RAD51AP1: variants seen among roughly 807,000 people sequenced by gnomAD.
RAD51AP1 encodes the protein RAD51-associated protein 1.
A neutral mutation model predicts 34.3 loss-of-function variants in RAD51AP1; 14 were observed. That is an observed-to-expected ratio of 0.41 (90% CI 0.27 to 0.64). The LOEUF (loss-of-function observed/expected upper bound fraction) is 0.64, where lower values mean the gene tolerates loss of function less well. Ranked by LOEUF, RAD51AP1 falls within the 30% of genes least tolerant of loss-of-function variation. The probability of loss-of-function intolerance (pLI) is 0.33; values close to 1 mark genes in which losing one functional copy is unlikely to be tolerated. For missense variants in RAD51AP1, 348 were observed against 386.9 expected, an observed-to-expected ratio of 0.90 and a Z score of 0.84; for synonymous variants, 114 against 129.8, an observed-to-expected ratio of 0.88 and a Z score of 0.83.
chr12:4,553,265 A>G, intron 7 of RAD51AP1, 118 bp downstream of exon 7: 1 of 892,226 alleles, frequency 1.1e-6, no homozygotes, highest in Non-Finnish European at 1.6e-6. Context: ...ATTTCTTGTT[A>G]AAATATGTAA....
intron 3 of RAD51AP1, among the ~76,000 whole-genome samples, chr12:4,545,059 C>G (rs569606096): frequency 3.3e-5 from 5 of 152,060 alleles, no homozygotes; most frequent in Admixed American, 1.3e-4. Context: ...TGTATGTATC[C>G]AAGAGAAATG....
chr12:4,553,091 TA>T lies in RAD51AP1; in HGVS notation c.669del (p.Lys223AsnfsTer4). The T allele has an allele frequency of 6.2e-7, 1 of 1,602,514 alleles. No homozygotes were observed. Among genetic ancestry groups the T allele is most frequent in the Non-Finnish European group, 8.5e-7 (1 of 1,173,106 alleles). On this transcript the variant is annotated frameshift_variant, in exon 7 of 9. Transcript: ENST00000352618. LOFTEE classifies it high-confidence loss of function. ...VKEIKKKEVK[V>X]KSPVEKKEKK... is the part of the protein sequence containing the mutation. ...GAAATTAAAAAGAAAGAAGTGAAGGTAAAATCCCCAGTAGAAAAGAAAGAGA... is the reference window on the plus strand; with the variant it reads ...GAAATTAAAAAGAAAGAAGTGAAGGTAAATCCCCAGTAGAAAAGAAAGAGA...
intron 6 of RAD51AP1, among the ~76,000 whole-genome samples, chr12:4,552,555 A>G (rs1039121290): frequency 2.0e-5 from 3 of 152,190 alleles, no homozygotes; most frequent in Middle Eastern, 3.2e-3. Context: ...AAGACTAGCT[A>G]TTGTCATACC....
At position 4,542,572 on chromosome 12, in the gene RAD51AP1, CTT is replaced by C. The variant is rs34064065; in HGVS notation, c.67+653_67+654del. On this transcript the variant is annotated intron_variant, in intron 2 of 8. Transcript: ENST00000352618. ...AAAGAGTGTAGAGTATAACATCTAG[CTT>C]TTTTTTTTTTTTTGTCATCAGTCTG... Among the ~76,000 whole-genome samples, 391 of 139,782 alleles carry C rather than the reference CTT, an allele frequency of 2.8e-3. 2 individuals carry two copies. Among genetic ancestry groups the C allele is most frequent in the African/African-American group, 7.9e-3 (304 of 38,376 alleles). 91.7% of individuals were successfully genotyped at this position (139,782 alleles called of 152,430 possible). A position where few individuals can be genotyped will look rare whatever the true frequency, so the allele number is the denominator to read the frequency against.
chr12:4,556,045 C>T (rs146033295), intron 7 of RAD51AP1, among the ~76,000 whole-genome samples: 1 of 152,262 alleles, frequency 6.6e-6, no homozygotes, highest in Non-Finnish European at 1.5e-5. Flanking sequence ...AGCTTAGATG[C>T]TTACTAGCTG....
At chr12:4,543,696 A>G in intron 2 of RAD51AP1, 67 bp from the exon 3 acceptor site, 2 of 1,173,948 alleles carry the variant, frequency 1.7e-6, no homozygotes, top group African/African-American at 1.6e-5. Flanking sequence ...TTGAACACAC[A>G]TGGTAATGAT....
At chr12:4,541,703 A>G (rs568701521) in intron 1 of RAD51AP1, among the ~76,000 whole-genome samples, 181 bp from the exon 2 acceptor site, 117 of 152,172 alleles carry the variant, frequency 7.7e-4, no homozygotes, top group Non-Finnish European at 1.5e-3. Flanking sequence ...ACTTGAACCC[A>G]AACACATTTT....
At chr12:4,545,697 C>A (rs1944500926) in intron 3 of RAD51AP1, 2 of 1,438,614 alleles carry the variant, frequency 1.4e-6, no homozygotes, top group Admixed American at 4.0e-5. Flanking sequence ...CACTTTTGAG[C>A]AGCTTGAATA....
intron 6 of RAD51AP1, 62 bp from the exon 7 acceptor site, chr12:4,552,921 G>A (rs1284328559): frequency 1.4e-6 from 2 of 1,425,858 alleles, no homozygotes; most frequent in African/African-American, 1.5e-5. Context: ...TGTGGATAAA[G>A]TTAAGGCAAC....
rs978422174 is a variant in RAD51AP1 at position 4,556,483 on chromosome 12, A to G, written c.852A>G (p.Lys284=). ...GCAGTCCTTCAGCTGAAAGCAAGAA[A>G]CCTAAATGGGTCCCACCAGGTATGG... ...EIRSPSAESK[K]PKWVPPAASG... is the part of the protein sequence containing the mutation. The change falls in exon 8 of 9, where the codon AAA becomes AAG. Residue 284 remains lysine (K), a synonymous_variant. Transcript: ENST00000352618. The G allele has an allele frequency of 1.2e-6, 2 of 1,613,608 alleles. No homozygotes were observed. The highest frequency in any genetic ancestry group is 1.3e-5 in the African/African-American group (1 of 74,892).
chr12:4,538,907 G>C lies in RAD51AP1; in HGVS notation c.-33G>C. On this transcript the variant is annotated 5_prime_UTR_variant, in exon 1 of 9. Transcript: ENST00000352618. The stretch of plus-strand genomic sequence containing the variant: ...CCGCCGCTGAAGCCAACAAGAATTT[G>C]AGAACTGTAAATACCAAGCCTTGAA... 1.9e-6 allele frequency: 3 copies of C among 1,612,956 alleles called. No homozygotes were observed. The highest frequency in any genetic ancestry group is 2.5e-6 in the Non-Finnish European group (3 of 1,179,078).
At chr12:4,552,652 A>G (rs1290544595) in intron 6 of RAD51AP1, among the ~76,000 whole-genome samples, 1 of 152,274 alleles carries the variant, frequency 6.6e-6, no homozygotes, top group Non-Finnish European at 1.5e-5. Context: ...GATGGTGGTA[A>G]TAGCAAACAA....
At chr12:4,556,234 GTTGA>G (rs1351044864) in intron 7 of RAD51AP1, 115 bp from the exon 8 acceptor site, 2 of 787,396 alleles carry the variant, frequency 2.5e-6, no homozygotes, top group Non-Finnish European at 4.1e-6. Flanking sequence ...ATAAATGTTT[GTTGA>G]TTAATAAGTT....
intron 6 of RAD51AP1, among the ~76,000 whole-genome samples, chr12:4,551,472 G>A (rs143544889): frequency 0.015 from 2,254 of 145,920 alleles, 56 homozygotes; most frequent in African/African-American, 0.055. Flanking sequence ...TCCAGCCTGG[G>A]CGACAGAGTG....
chr12:4,543,112 G>GT (rs1944480553), intron 2 of RAD51AP1, among the ~76,000 whole-genome samples: 1 of 152,092 alleles, frequency 6.6e-6, no homozygotes, highest in African/African-American at 2.4e-5. Context: ...CTAGGCTAGA[G>GT]TGCAACAGCG....
At chr12:4,553,381 G>T in intron 7 of RAD51AP1, 1 of 243,786 alleles carries the variant, frequency 4.1e-6, no homozygotes, top group Middle Eastern at 1.3e-3. Context: ...CATGGCTGCC[G>T]TCTGTGGTTA....
At chr12:4,541,394 A>C (rs1361751172) in intron 1 of RAD51AP1, among the ~76,000 whole-genome samples, 1 of 152,222 alleles carries the variant, frequency 6.6e-6, no homozygotes, top group Non-Finnish European at 1.5e-5. Flanking sequence ...GAGATTGAAA[A>C]GAAAGTAGCT....
At chr12:4,541,006 TTTTA>T (rs1311940036) in intron 1 of RAD51AP1, among the ~76,000 whole-genome samples, 1 of 152,166 alleles carries the variant, frequency 6.6e-6, no homozygotes, top group Non-Finnish European at 1.5e-5. Context: ...TAGAAAAACA[TTTTA>T]TTTAGTGCCT....
At chr12:4,551,530 A>G (rs956456276) in intron 6 of RAD51AP1, among the ~76,000 whole-genome samples, 2 of 151,148 alleles carry the variant, frequency 1.3e-5, no homozygotes, top group African/African-American at 2.4e-5. Context: ...AAGTTAAATG[A>G]CACCATGAGC....
Sources: gnomAD v4.1 joint callset for allele counts (sites outside exome capture counted in the v4.1 genomes callset) on GRCh38, gnomAD v4.1.1 for gene constraint, MANE v1.5 for transcripts, NCBI Gene and HGNC (gene_info 2026-07-23, HGNC 2026-07-21) for gene names.